The following KCNQ1 variants were observed in gnomAD, a reference collection of about 807,000 sequenced individuals.
KCNQ1 encodes the protein potassium voltage-gated channel subfamily KQT member 1.
KCNQ1 carries 49 observed loss-of-function variants against 72.4 expected under a neutral mutation model. The ratio of observed to expected loss-of-function variants is 0.68; its 90% CI spans 0.54 to 0.86. KCNQ1 has a LOEUF of 0.86. Ranked by LOEUF, KCNQ1 falls within the 40% of genes least tolerant of loss-of-function variation. The probability of loss-of-function intolerance (pLI) is 0.00; values close to 1 mark genes in which losing one functional copy is unlikely to be tolerated. For missense variants in KCNQ1, 790 were observed against 945.1 expected, an observed-to-expected ratio of 0.84 and a Z score of 2.15; for synonymous variants, 450 against 412.6, an observed-to-expected ratio of 1.09 and a Z score of -1.10.
chr11:2,587,493 G>T (rs915646669), intron 8 of KCNQ1, 77 bp from the exon 9 acceptor site: 11 of 1,594,710 alleles, frequency 6.9e-6, no homozygotes, highest in South Asian at 1.1e-5. Context: ...GGAACAGGGA[G>T]GGGGAGCTGT....
At chr11:2,622,203 C>T in intron 10 of KCNQ1, 1 of 398,334 alleles carries the variant, frequency 2.5e-6, no homozygotes, top group Non-Finnish European at 4.4e-6. Flanking sequence ...CCAATTCTGT[C>T]AGTATATTTT....
Position 2,497,373 on chromosome 11 carries a change from A to AT in KCNQ1, c.387-30549dup, listed in dbSNP as rs1488299302. On this transcript the variant is annotated intron_variant, in intron 1 of 15. Coordinates refer to ENST00000155840, the MANE Select transcript of KCNQ1 (RefSeq NM_000218.3). The surrounding 1 kb of genome is among the most constrained non-coding windows in gnomAD (Gnocchi z 4.5). ...GAGGTTTTGTTCGTTCTTTTTCATC[A>AT]TTTTTTCTCTAATCTTGTCTGCATG... is the stretch of plus-strand genomic sequence containing the variant. 4.0e-5 allele frequency among the ~76,000 whole-genome samples: 6 copies of AT among 151,104 alleles called. No individual in the cohort carries two copies. The highest frequency in any genetic ancestry group is 8.9e-5 in the Non-Finnish European group (6 of 67,786).
Position 2,720,263 on chromosome 11 carries a change from G to A in KCNQ1, c.1515-48581G>A, listed in dbSNP as rs1157140075. The stretch of plus-strand genomic sequence containing the variant: ...CCATTTGTTATCTTTAAAAAGTATC[G>A]GTGGGCTCATGGGGGCTTGAGTGTC... On this transcript the variant is annotated intron_variant, in intron 11 of 15. Coordinates refer to ENST00000155840, the MANE Select transcript of KCNQ1 (RefSeq NM_000218.3). This position sits in a 1 kb window ranked among gnomAD's most constrained non-coding sequence, Gnocchi z 5.1. Among the ~76,000 whole-genome samples the A allele has an allele frequency of 1.3e-5, 2 of 152,102 alleles. No homozygotes were observed. Among genetic ancestry groups the A allele is most frequent in the African/African-American group, 2.4e-5 (1 of 41,404 alleles).
rs1847852890 is a variant in KCNQ1 at position 2,543,038 on chromosome 11, G to T, written c.477+15020G>T. ...GTCTAAGAGGTGTGCGTGGCATCCT[G>T]CTGTGGTTTTAACTTTCATTTCCTA... On this transcript the variant is annotated intron_variant, in intron 2 of 15. Transcript: ENST00000155840. This position sits in a 1 kb window ranked among gnomAD's most constrained non-coding sequence, Gnocchi z 5.6. Among the ~76,000 whole-genome samples, 2 of 152,204 alleles carry T rather than the reference G, an allele frequency of 1.3e-5. No individual in the cohort carries two copies. The highest frequency in any genetic ancestry group is 4.8e-5 in the African/African-American group (2 of 41,444).
intron 1 of KCNQ1, among the ~76,000 whole-genome samples, chr11:2,502,375 A>G (rs912377333): frequency 2.0e-5 from 3 of 152,240 alleles, no homozygotes; most frequent in Middle Eastern, 3.2e-3. Context: ...TACAAAAATC[A>G]GTAGCATTTC....
At chr11:2,629,255 T>G in intron 10 of KCNQ1, 1 of 398,418 alleles carries the variant, frequency 2.5e-6, no homozygotes, top group Non-Finnish European at 4.4e-6. Flanking sequence ...ATTTGTATCA[T>G]CTTAGAATTT....
In KCNQ1 at chr11:2,659,485, ATT is replaced by A. The variant is rs1849912314; in HGVS notation, c.1394-2473_1394-2472del. The A allele has an allele frequency of 5.0e-6, 2 of 398,498 alleles. No individual in the cohort carries two copies. The highest frequency in any genetic ancestry group is 8.8e-6 in the Non-Finnish European group (2 of 226,014). 24.7% of individuals were successfully genotyped at this position (398,498 alleles called of 1,614,324 possible). On this transcript the variant is annotated intron_variant, in intron 10 of 15. Transcript: ENST00000155840. The surrounding 1 kb of genome is among the most constrained non-coding windows in gnomAD (Gnocchi z 4.3). ...GGTATTCCATTGCATGAATATATAC[ATT>A]TTGTTTATGCATTCACCTGTTGAAG...
intron 15 of KCNQ1, among the ~76,000 whole-genome samples, chr11:2,797,586 C>T (rs1418370905): frequency 1.3e-5 from 2 of 152,072 alleles, no homozygotes; most frequent in Non-Finnish European, 2.9e-5. Context: ...GGGCCCTTTC[C>T]CCACTAGCAT....
At chr11:2,576,079 A>G (rs967734020) in intron 6 of KCNQ1, among the ~76,000 whole-genome samples, 27 of 152,178 alleles carry the variant, frequency 1.8e-4, no homozygotes, top group African/African-American at 6.5e-4. Flanking sequence ...ATCCAGGAGG[A>G]GCTCATCTTG....
rs368697384 is a variant in KCNQ1 at position 2,627,734 on chromosome 11, T to TACAC, written c.1394-34216_1394-34213dup. 1 of 396,772 alleles carries TACAC rather than the reference T, an allele frequency of 2.5e-6. No individual in the cohort carries two copies. Among genetic ancestry groups the TACAC allele is most frequent in the African/African-American group, 2.1e-5 (1 of 48,452 alleles). The allele number at this position is 396,772 out of a possible 1,614,324, so 24.6% of individuals were successfully genotyped here. ...ATGTGTTTATTTGGGAATTTGGTGA[T>TACAC]ACACACACACACACTATTTTCTTCC... is the stretch of plus-strand genomic sequence containing the variant. On this transcript the variant is annotated intron_variant, in intron 10 of 15. Transcript: ENST00000155840. The surrounding 1 kb of genome is among the most constrained non-coding windows in gnomAD (Gnocchi z 4.9).
chr11:2,461,598 C>T (rs763020484), intron 1 of KCNQ1: 8 of 1,360,212 alleles, frequency 5.9e-6, no homozygotes, highest in Non-Finnish European at 7.8e-6. Context: ...GTTTACGTGG[C>T]CCCTGCTCTC....
Position 2,475,009 on chromosome 11 carries a change from C to A in KCNQ1, c.386+29525C>A, listed in dbSNP as rs1327919216. On this transcript the variant is annotated intron_variant, in intron 1 of 15. Transcript: ENST00000155840. This position sits in a 1 kb window ranked among gnomAD's most constrained non-coding sequence, Gnocchi z 5.8. ...GCATTGTTTGTGTTGTGATAAAATACACGTAACGTAAAATTGACCTTTTTA... is the reference window on the plus strand; with the variant it reads ...GCATTGTTTGTGTTGTGATAAAATAAACGTAACGTAAAATTGACCTTTTTA... 6.6e-6 allele frequency among the ~76,000 whole-genome samples: 1 copy of A among 152,190 alleles called. No homozygotes were observed. The highest frequency in any genetic ancestry group is 2.4e-5 in the African/African-American group (1 of 41,432).
Position 2,646,519 on chromosome 11 carries a change from A to AT in KCNQ1, c.1394-15436dup, listed in dbSNP as rs1259379376. ...TTGCTGTTTCACAGAAATGCTACTG[A>AT]TTTTTTGGGGGAGGCAGGGGAGTGC... On this transcript the variant is annotated intron_variant, in intron 10 of 15. Coordinates refer to ENST00000155840, the MANE Select transcript of KCNQ1 (RefSeq NM_000218.3). 2.2e-4 allele frequency: 86 copies of AT among 398,164 alleles called. No individual in the cohort carries two copies. Among genetic ancestry groups the AT allele is most frequent in the Non-Finnish European group, 3.5e-4 (79 of 225,992 alleles). 24.7% of individuals were successfully genotyped at this position (398,164 alleles called of 1,614,324 possible).
chr11:2,514,391 C>T (rs1046383222), intron 1 of KCNQ1, among the ~76,000 whole-genome samples: 1 of 152,210 alleles, frequency 6.6e-6, no homozygotes, highest in African/African-American at 2.4e-5. Flanking sequence ...GCCGGGTGCC[C>T]TTGACGCATT....
At chr11:2,763,279 T>C (rs1177365171) in intron 11 of KCNQ1, among the ~76,000 whole-genome samples, 1 of 152,090 alleles carries the variant, frequency 6.6e-6, no homozygotes, top group African/African-American at 2.4e-5. Flanking sequence ...AGATTTATTT[T>C]AGAGCTGGGT....
intron 10 of KCNQ1, chr11:2,650,552 C>T (rs1246323471): frequency 5.0e-6 from 2 of 398,526 alleles, no homozygotes; most frequent in African/African-American, 4.1e-5. Context: ...TCATCAGTGG[C>T]TTAGGCTGCT....
rs139371967 is a variant in KCNQ1 at position 2,563,955 on chromosome 11, G to C, written c.478-6673G>C. Among the ~76,000 whole-genome samples, 1 of 152,364 alleles carries C rather than the reference G, an allele frequency of 6.6e-6. No individual in the cohort carries two copies. Among genetic ancestry groups the C allele is most frequent in the African/African-American group, 2.4e-5 (1 of 41,586 alleles). On this transcript the variant is annotated intron_variant, in intron 2 of 15. Coordinates refer to ENST00000155840, the MANE Select transcript of KCNQ1 (RefSeq NM_000218.3). This position sits in a 1 kb window ranked among gnomAD's most constrained non-coding sequence, Gnocchi z 7.4. ...GGACAGCTACAGATGACCACAGCTG[G>C]AGTGCGGCAGATACTCGGGGCCGCT...
At chr11:2,777,143 A>G in intron 14 of KCNQ1, 111 bp downstream of exon 14, 2 of 1,041,536 alleles carry the variant, frequency 1.9e-6, no homozygotes, top group Non-Finnish European at 3.0e-6. Flanking sequence ...GCACCTCCAA[A>G]GTGCATGACA....
In KCNQ1 at chr11:2,598,401, CT is replaced by C. The variant is rs1269260173; in HGVS notation, c.1393+9554del. 1.3e-5 allele frequency among the ~76,000 whole-genome samples: 2 copies of C among 152,030 alleles called. No homozygotes were observed. The highest frequency in any genetic ancestry group is 3.8e-4 in the East Asian group (2 of 5,198). On this transcript the variant is annotated intron_variant, in intron 10 of 15. Transcript: ENST00000155840. This position sits in a 1 kb window ranked among gnomAD's most constrained non-coding sequence, Gnocchi z 6.2. Reference sequence around the variant, plus strand: ...AAGGATGTAGCCTATGAAGTCTCCACTTTTTTTAAAATGAAGATTTTCTTTG... The same window carrying C: ...AAGGATGTAGCCTATGAAGTCTCCACTTTTTTAAAATGAAGATTTTCTTTG...
Sources: gnomAD v4.1 joint callset for allele counts (sites outside exome capture counted in the v4.1 genomes callset) on GRCh38, gnomAD v4.1.1 for gene constraint, Gnocchi (gnomAD v3.1) non-coding constraint, MANE v1.5 for transcripts, NCBI Gene and HGNC (gene_info 2026-07-23, HGNC 2026-07-21) for gene names.